ASIC2: variants seen among roughly 807,000 people sequenced by gnomAD.
ASIC2 encodes acid-sensing ion channel 2.
A neutral mutation model predicts 57.3 loss-of-function variants in ASIC2; 25 were observed. That is an observed-to-expected ratio of 0.44 (90% confidence interval 0.32 to 0.61). ASIC2 has a LOEUF of 0.61. Among genes scored for constraint, ASIC2 ranks in the 20% least tolerant of loss-of-function variants. ASIC2 has a pLI of 0.06. For missense variants in ASIC2, 641 were observed against 738.1 expected (o/e 0.87, Z 1.52); for synonymous variants, 319 against 307.5 (o/e 1.04, Z -0.39).
chr17:33,059,596 T>C (rs1369967656), intron 3 of ASIC2, among the ~76,000 whole-genome samples: 1 of 152,230 alleles, frequency 6.6e-6, no homozygotes, highest in Non-Finnish European at 1.5e-5. Context: ...TCTTTGCTAT[T>C]GTGAGTAGTG....
intron 1 of ASIC2, among the ~76,000 whole-genome samples, chr17:33,335,044 C>T (rs576332285): frequency 3.9e-4 from 59 of 152,314 alleles, no homozygotes; most frequent in African/African-American, 1.3e-3. Flanking sequence ...AAACCAGTGT[C>T]ATGTGAGCCA....
intron 1 of ASIC2, among the ~76,000 whole-genome samples, chr17:33,174,562 A>G (rs1280687678): frequency 6.6e-6 from 1 of 152,184 alleles, no homozygotes; most frequent in Non-Finnish European, 1.5e-5. Flanking sequence ...CGGAGCTCAC[A>G]TGCACATCTT....
chr17:33,306,026 A>T (rs1472402079), intron 1 of ASIC2, among the ~76,000 whole-genome samples: 1 of 152,216 alleles, frequency 6.6e-6, no homozygotes, highest in East Asian at 1.9e-4. Context: ...ATATTTAGTC[A>T]TTCTATAAAA....
At chr17:33,111,218 G>C (rs951211338) in intron 2 of ASIC2, among the ~76,000 whole-genome samples, 1 of 152,190 alleles carries the variant, frequency 6.6e-6, no homozygotes, top group Admixed American at 6.5e-5. Context: ...TACCCTTGGT[G>C]CTTTCCCTGA....
At chr17:33,579,920 G>A (rs564014979) in intron 1 of ASIC2, among the ~76,000 whole-genome samples, 8 of 144,590 alleles carry the variant, frequency 5.5e-5, no homozygotes, top group Non-Finnish European at 9.5e-5. Flanking sequence ...ATTTTACAGA[G>A]AGCTGATTGG....
chr17:33,625,208 T>C (rs1905945174), intron 1 of ASIC2, among the ~76,000 whole-genome samples: 1 of 152,004 alleles, frequency 6.6e-6, no homozygotes, highest in African/African-American at 2.4e-5. Flanking sequence ...GTCATCTATC[T>C]ATCTATCTAT....
chr17:33,343,959 G>A (rs1025431393), intron 1 of ASIC2, among the ~76,000 whole-genome samples: 1 of 152,196 alleles, frequency 6.6e-6, no homozygotes, highest in African/African-American at 2.4e-5. Flanking sequence ...ATTTGTCAAG[G>A]CTTGAATTCA....
At chr17:33,253,299 A>G (rs913160996) in intron 1 of ASIC2, among the ~76,000 whole-genome samples, 1 of 152,184 alleles carries the variant, frequency 6.6e-6, no homozygotes, top group Non-Finnish European at 1.5e-5. Context: ...CCAAACAGAT[A>G]TATTACTGAC....
chr17:33,644,556 A>C (rs2142035621), intron 1 of ASIC2, among the ~76,000 whole-genome samples: 1 of 152,368 alleles, frequency 6.6e-6, no homozygotes. Flanking sequence ...AACTGAAGGA[A>C]TGTCTCACAG....
At chr17:33,127,303 C>G (rs2092327799) in intron 1 of ASIC2, among the ~76,000 whole-genome samples, 1 of 152,116 alleles carries the variant, frequency 6.6e-6, no homozygotes, top group Admixed American at 6.5e-5. Context: ...ATTAAGAAGC[C>G]CTGGGAACTC....
intron 1 of ASIC2, among the ~76,000 whole-genome samples, chr17:33,139,356 A>T (rs2092378518): frequency 6.6e-6 from 1 of 152,144 alleles, no homozygotes; most frequent in African/African-American, 2.4e-5. Flanking sequence ...CCTTCCCCAG[A>T]TCTATTCTTT....
At chr17:33,690,828 C>A (rs1326280500) in intron 1 of ASIC2, among the ~76,000 whole-genome samples, 2 of 143,138 alleles carry the variant, frequency 1.4e-5, no homozygotes, top group South Asian at 2.2e-4. Flanking sequence ...TGGCTCACTG[C>A]AAGCTCCACC....
intron 1 of ASIC2, among the ~76,000 whole-genome samples, chr17:34,128,926 G>C (rs2142125864): frequency 6.6e-6 from 1 of 152,160 alleles, no homozygotes; most frequent in African/African-American, 2.4e-5. Flanking sequence ...TGTGGTTGGG[G>C]TTTCGGCTAG....
At chr17:33,965,742 C>T (rs769977068) in intron 1 of ASIC2, among the ~76,000 whole-genome samples, 6 of 152,222 alleles carry the variant, frequency 3.9e-5, no homozygotes, top group African/African-American at 4.8e-5. Flanking sequence ...GGCAGATTGG[C>T]TCCAGCATGC....
chr17:33,637,654 A>G lies in ASIC2; in HGVS notation c.555+518324T>C, dbSNP rs1032454070. 2.0e-5 allele frequency among the ~76,000 whole-genome samples: 3 copies of G among 152,332 alleles called. No individual in the cohort carries two copies. In the East Asian group the frequency reaches 5.8e-4, roughly 29 times the overall value. The stretch of plus-strand genomic sequence containing the variant: ...TAAATATACACAATGCTATCTGTCA[A>G]TTTAAAAGAAAGAAAGCAAATAAGG... On this transcript the variant is annotated intron_variant, in intron 1 of 9. Coordinates refer to the ASIC2 transcript ENST00000359872.
intron 2 of ASIC2, among the ~76,000 whole-genome samples, chr17:33,108,254 A>G (rs570124475): frequency 1.3e-5 from 2 of 152,206 alleles, no homozygotes; most frequent in Non-Finnish European, 2.9e-5. Context: ...CTCCATCATT[A>G]AACTGCCTGG....
At chr17:33,218,194 G>T (rs1907566397) in intron 1 of ASIC2, among the ~76,000 whole-genome samples, 1 of 152,216 alleles carries the variant, frequency 6.6e-6, no homozygotes, top group Non-Finnish European at 1.5e-5. Flanking sequence ...CCTCTGCAGT[G>T]CAACGGCTGC....
chr17:33,575,123 T>G (rs1247193397), intron 1 of ASIC2, among the ~76,000 whole-genome samples: 1 of 152,142 alleles, frequency 6.6e-6, no homozygotes, highest in Non-Finnish European at 1.5e-5. Flanking sequence ...ATAAAGGGGC[T>G]GGACACAAGA....
At chr17:33,129,604 T>C (rs1376442457) in intron 1 of ASIC2, among the ~76,000 whole-genome samples, 1 of 152,220 alleles carries the variant, frequency 6.6e-6, no homozygotes. Context: ...CAAAGGTGTA[T>C]CCCTTTGTGT....
Sources: gnomAD v4.1 joint callset for allele counts (sites outside exome capture counted in the v4.1 genomes callset) on GRCh38, gnomAD v4.1.1 for gene constraint, MANE v1.5 for transcripts, NCBI Gene and HGNC (gene_info 2026-07-23, HGNC 2026-07-21) for gene names.